Variants in ARHGAP10 observed in about 807,000 individuals in gnomAD.
The protein encoded by ARHGAP10 is rho GTPase-activating protein 10.
A neutral mutation model predicts 108.6 loss-of-function variants in ARHGAP10; 87 were observed. The ratio of observed to expected loss-of-function variants is 0.80; its 90% confidence interval spans 0.67 to 0.96. ARHGAP10 has a LOEUF of 0.96. Ranked by LOEUF, ARHGAP10 falls within the 40% of genes least tolerant of loss-of-function variation. ARHGAP10 has a pLI of 0.00. For missense variants in ARHGAP10, 939 were observed against 954.5 expected (o/e 0.98, Z 0.21); for synonymous variants, 347 against 341.1 (o/e 1.02, Z -0.19).
intron 1 of ARHGAP10, among the ~76,000 whole-genome samples, chr4:147,785,083 TAAAAAA>T (rs368685839): frequency 1.7e-5 from 2 of 118,802 alleles, no homozygotes; most frequent in African/African-American, 3.1e-5. Flanking sequence ...GACTATTTTC[TAAAAAA>T]AAAAAAAAAA....
intron 8 of ARHGAP10, among the ~76,000 whole-genome samples, chr4:147,878,387 G>T (rs1460641012): frequency 6.6e-6 from 1 of 152,146 alleles, no homozygotes; most frequent in Non-Finnish European, 1.5e-5. Context: ...GAGCCACTGC[G>T]CCTGGCCCAT....
intron 10 of ARHGAP10, among the ~76,000 whole-genome samples, chr4:147,893,480 T>C (rs1265300097): frequency 6.8e-6 from 1 of 147,762 alleles, no homozygotes; most frequent in Non-Finnish European, 1.5e-5. Context: ...ATTCTATATA[T>C]ATAGAAATAC....
chr4:147,748,550 C>A (rs1729021151), intron 1 of ARHGAP10, among the ~76,000 whole-genome samples: 1 of 152,056 alleles, frequency 6.6e-6, no homozygotes, highest in Non-Finnish European at 1.5e-5. Context: ...AAAACAAAAA[C>A]AAAATGATAC....
chr4:148,030,701 A>G (rs934949881), intron 19 of ARHGAP10, among the ~76,000 whole-genome samples: 1 of 152,168 alleles, frequency 6.6e-6, no homozygotes, highest in Non-Finnish European at 1.5e-5. Context: ...AGGCAATGCC[A>G]GAGAACACTC....
intron 20 of ARHGAP10, among the ~76,000 whole-genome samples, chr4:148,056,552 G>A (rs867274420): frequency 5.2e-5 from 6 of 116,006 alleles, no homozygotes; most frequent in East Asian, 4.9e-4. Flanking sequence ...TTCACTTCCC[G>A]CCCCCACCCC....
chr4:148,034,843 C>T (rs1578811146), intron 19 of ARHGAP10, among the ~76,000 whole-genome samples: 2 of 152,046 alleles, frequency 1.3e-5, no homozygotes. Context: ...TTTGGGTTCC[C>T]AAGAATAATA....
rs764711411 is a variant in ARHGAP10, at chr4:147,857,558, A to C, written c.390A>C (p.Glu130Asp). 2 of 1,475,372 alleles carry C rather than the reference A, an allele frequency of 1.4e-6. No homozygotes were observed. The highest frequency in any genetic ancestry group is 2.9e-5 in the African/African-American group (2 of 68,516). 91.4% of individuals were successfully genotyped at this position (1,475,372 alleles called of 1,614,324 possible). A position where few individuals can be genotyped will look rare whatever the true frequency, so the allele number is the denominator to read the frequency against. Residue 130 changes from glutamate to aspartate, a missense_variant, in exon 5 of 23, where the codon GAA (glutamate) becomes GAC (aspartate). Transcript: ENST00000336498. Reference sequence around the variant, plus strand: ...AGTTTTTTTTTTATTTGTAGGAAGAAAAAAAGAAGTTTGACAAAGAGACAG... The same window carrying C: ...AGTTTTTTTTTTATTTGTAGGAAGACAAAAAGAAGTTTGACAAAGAGACAG... ...RKEQLGAVKE[E>D]KKKFDKETEK... is the part of the protein sequence containing the mutation.
chr4:147,990,282 G>A (rs1407514246), intron 18 of ARHGAP10, among the ~76,000 whole-genome samples: 1 of 152,174 alleles, frequency 6.6e-6, no homozygotes, highest in Non-Finnish European at 1.5e-5. Context: ...CTCAGTTCCT[G>A]TATCTTTGGA....
At chr4:147,915,223 A>G (rs1424151773) in intron 13 of ARHGAP10, among the ~76,000 whole-genome samples, 3 of 152,184 alleles carry the variant, frequency 2.0e-5, no homozygotes, top group Non-Finnish European at 4.4e-5. Flanking sequence ...ACAGAAAGCC[A>G]TTCTTCCCAC....
Position 147,766,044 on chromosome 4 carries a change from T to C in ARHGAP10, c.154+33589T>C, listed in dbSNP as rs28438925. ...ACCTGTAATCCCAGCACTTTGGTAG[T>C]CTGAGGCCGGTGGATCACTTGAGGT... On this transcript the variant is annotated intron_variant, in intron 1 of 22. Transcript: ENST00000336498. Among the ~76,000 whole-genome samples, 1,511 of 152,092 alleles carry C rather than the reference T, an allele frequency of 9.9e-3. 20 individuals carry two copies. Among genetic ancestry groups the C allele is most frequent in the African/African-American group, 0.035 (1,448 of 41,478 alleles).
At chr4:147,953,129 A>G (rs1050194400) in intron 15 of ARHGAP10, among the ~76,000 whole-genome samples, 3 of 151,610 alleles carry the variant, frequency 2.0e-5, no homozygotes, top group African/African-American at 7.3e-5. Context: ...CCAACTTATG[A>G]TATATTATTT....
chr4:147,752,795 G>A (rs138576653), intron 1 of ARHGAP10, among the ~76,000 whole-genome samples: 1,715 of 152,338 alleles, frequency 0.011, 36 homozygotes, highest in African/African-American at 0.039. Flanking sequence ...CCAAAGTGCC[G>A]GGATTACAGG....
At chr4:147,858,738 C>A (rs1314712297) in intron 5 of ARHGAP10, among the ~76,000 whole-genome samples, 1 of 152,174 alleles carries the variant, frequency 6.6e-6, no homozygotes, top group Non-Finnish European at 1.5e-5. Context: ...CTTTTACAGG[C>A]CCCCTTTATG....
At chr4:147,979,956 T>A (rs1358091811) in intron 18 of ARHGAP10, among the ~76,000 whole-genome samples, 1 of 152,220 alleles carries the variant, frequency 6.6e-6, no homozygotes. Flanking sequence ...TTTAGGGTTT[T>A]CCAGGTAGAG....
chr4:147,912,600 A>ATATATATATAG (rs1736802021), intron 12 of ARHGAP10, among the ~76,000 whole-genome samples: 1 of 138,450 alleles, frequency 7.2e-6, no homozygotes, highest in African/African-American at 2.8e-5. Flanking sequence ...TATATATATA[A>ATATATATATAG]AATTCCTGTG....
intron 14 of ARHGAP10, among the ~76,000 whole-genome samples, chr4:147,943,900 C>T (rs922504521): frequency 1.3e-5 from 2 of 152,184 alleles, no homozygotes; most frequent in African/African-American, 4.8e-5. Context: ...TAGTCATTTG[C>T]TTCTGATGTG....
intron 1 of ARHGAP10, among the ~76,000 whole-genome samples, chr4:147,738,050 A>C (rs1396873009): frequency 1.1e-4 from 16 of 150,384 alleles, no homozygotes; most frequent in African/African-American, 3.7e-4. Context: ...ACTAGGGTAC[A>C]TTGTAGACTT....
At chr4:147,920,645 A>G (rs953621588) in intron 13 of ARHGAP10, among the ~76,000 whole-genome samples, 45 of 152,342 alleles carry the variant, frequency 3.0e-4, no homozygotes, top group African/African-American at 1.1e-3. Flanking sequence ...GTTACATACA[A>G]TCCTTGATTT....
chr4:148,018,079 C>T (rs569886673), intron 18 of ARHGAP10, among the ~76,000 whole-genome samples: 92 of 152,126 alleles, frequency 6.0e-4, no homozygotes, highest in Non-Finnish European at 1.0e-3. Flanking sequence ...CATGCCTACG[C>T]GTGGAGTGTT....
Sources: allele counts gnomAD v4.1 joint callset (sites outside exome capture counted in the v4.1 genomes callset), GRCh38; gene constraint gnomAD v4.1.1; transcripts MANE v1.5; gene names NCBI Gene and HGNC (gene_info 2026-07-23, HGNC 2026-07-21).